EPRS1: variants seen among roughly 807,000 people sequenced by gnomAD.
EPRS1 encodes bifunctional glutamate/proline--tRNA ligase.
Under a neutral mutation model 188.3 loss-of-function variants are expected in EPRS1, and 107 were observed. The ratio of observed to expected loss-of-function variants is 0.57; its 90% CI spans 0.49 to 0.67. The LOEUF (loss-of-function observed/expected upper bound fraction) is 0.67. Among genes scored for constraint, EPRS1 ranks in the 30% least tolerant of loss-of-function variants. The pLI is 0.00. For synonymous variants in EPRS1, 596 were observed against 593.1 expected (o/e 1.00, Z -0.07); for missense variants, 1,577 against 1,802.2 (o/e 0.88, Z 2.26).
intron 1 of EPRS1, among the ~76,000 whole-genome samples, chr1:220,041,839 T>TG (rs1662300791): frequency 6.6e-6 from 1 of 150,922 alleles, no homozygotes; most frequent in Non-Finnish European, 1.5e-5. Context: ...AAATTCTGTC[T>TG]GAAAAAAAAG....
intron 13 of EPRS1, among the ~76,000 whole-genome samples, chr1:220,008,539 A>G (rs1208355841): frequency 6.6e-6 from 1 of 152,210 alleles, no homozygotes; most frequent in Non-Finnish European, 1.5e-5. Flanking sequence ...CTCAGAATAG[A>G]ATACTGACAG....
intron 13 of EPRS1, among the ~76,000 whole-genome samples, chr1:220,009,410 T>C (rs1293807299): frequency 6.6e-6 from 1 of 152,216 alleles, no homozygotes; most frequent in African/African-American, 2.4e-5. Context: ...AAGTTATTTA[T>C]AGACAACTTG....
At chr1:220,002,009 A>T (rs1435470621) in intron 16 of EPRS1, among the ~76,000 whole-genome samples, 3 of 151,066 alleles carry the variant, frequency 2.0e-5, no homozygotes, top group Non-Finnish European at 4.4e-5. Flanking sequence ...AGCCTGCGTG[A>T]CAGAGTGAGA....
intron 12 of EPRS1, among the ~76,000 whole-genome samples, chr1:220,011,636 TCAGTATATTCC>T (rs1206897296): frequency 9.8e-5 from 15 of 152,352 alleles, no homozygotes; most frequent in South Asian, 4.1e-4. Flanking sequence ...CAGTATATTC[TCAGTATATTCC>T]CAGTACCTAG....
intron 12 of EPRS1, among the ~76,000 whole-genome samples, chr1:220,013,207 A>T (rs1268055600): frequency 6.6e-6 from 1 of 152,238 alleles, no homozygotes; most frequent in Non-Finnish European, 1.5e-5. Flanking sequence ...AGGTTAATGC[A>T]AAGTAAGCTC....
Position 219,980,680 on chromosome 1 carries a change from C to T in EPRS1, c.3555+76G>A. ...TTTTGCTTTTAACAGGTGTTACATACATTTTAAATAACAAAATTGCAGAAC... is the reference window on the plus strand; with the variant it reads ...TTTTGCTTTTAACAGGTGTTACATATATTTTAAATAACAAAATTGCAGAAC... On this transcript the variant is annotated intron_variant, in intron 25 of 31. Coordinates refer to ENST00000366923, the MANE Select transcript of EPRS1 (RefSeq NM_004446.3). The T allele has an allele frequency of 5.0e-6, 5 of 999,178 alleles. 1 individual carries two copies. The highest frequency in any genetic ancestry group is 2.8e-5 in the South Asian group (2 of 70,944). The allele number at this position is 999,178 out of a possible 1,614,324, so 61.9% of individuals were successfully genotyped here. A position where few individuals can be genotyped will look rare whatever the true frequency, so the allele number is the denominator to read the frequency against.
At chr1:220,029,045 C>T (rs74499502) in intron 6 of EPRS1, among the ~76,000 whole-genome samples, 1,550 of 152,074 alleles carry the variant, frequency 0.01, 40 homozygotes, top group African/African-American at 0.036. Context: ...GTGACAGTGA[C>T]GCAAAATATG....
At chr1:219,972,732 G>A (rs764021989) in intron 29 of EPRS1, among the ~76,000 whole-genome samples, 4 of 152,144 alleles carry the variant, frequency 2.6e-5, no homozygotes, top group Non-Finnish European at 4.4e-5. Context: ...CTCTCCATAG[G>A]TGAGGGCGGC....
intron 4 of EPRS1, among the ~76,000 whole-genome samples, chr1:220,033,123 C>T (rs75703586): frequency 1.2e-3 from 184 of 152,210 alleles, no homozygotes; most frequent in African/African-American, 4.3e-3. Flanking sequence ...CTCCCAGTCA[C>T]ACACTCACTG....
At chr1:219,985,295 A>G (rs1660985968) in intron 20 of EPRS1, among the ~76,000 whole-genome samples, 1 of 152,204 alleles carries the variant, frequency 6.6e-6, no homozygotes, top group Non-Finnish European at 1.5e-5. Flanking sequence ...TCACTGTTTC[A>G]CTGAAAGTAA....
chr1:219,998,086 C>G (rs1661271255), intron 17 of EPRS1, among the ~76,000 whole-genome samples: 2 of 152,100 alleles, frequency 1.3e-5, no homozygotes, highest in African/African-American at 4.8e-5. Context: ...CTACTGAAAC[C>G]CTTCTAACAT....
intron 12 of EPRS1, among the ~76,000 whole-genome samples, chr1:220,013,034 A>G (rs1661637772): frequency 6.6e-6 from 1 of 152,234 alleles, no homozygotes; most frequent in Admixed American, 6.5e-5. Context: ...GAAAAATTAT[A>G]TTATACTACT....
intron 18 of EPRS1, among the ~76,000 whole-genome samples, chr1:219,989,594 C>T (rs6699641): frequency 0.2 from 31,031 of 152,100 alleles, 4,089 homozygotes; most frequent in African/African-American, 0.36. Flanking sequence ...TCGAATAATG[C>T]TCCAGATAGC....
rs1350426576 is a variant in EPRS1, at chr1:219,978,750, C to G, written c.3910-31G>C. 3 of 1,562,800 alleles carry G rather than the reference C, an allele frequency of 1.9e-6. No individual in the cohort carries two copies. The Admixed American group carries it at 5.4e-5, about 28-fold the overall frequency. On this transcript the variant is annotated intron_variant, in intron 27 of 31. Transcript: ENST00000366923. ...ATCAGCACAATGTCCCAAATGTATG[C>G]AAAGAAACAGATATAGAAGTAATGA...
intron 12 of EPRS1, among the ~76,000 whole-genome samples, chr1:220,011,825 T>A (rs1010758626): frequency 6.6e-6 from 1 of 152,224 alleles, no homozygotes; most frequent in African/African-American, 2.4e-5. Context: ...TTAGTCATGA[T>A]GACCAATCAC....
At chr1:219,990,142 C>T (rs1052090388) in intron 18 of EPRS1, among the ~76,000 whole-genome samples, 3 of 151,052 alleles carry the variant, frequency 2.0e-5, no homozygotes, top group Admixed American at 1.3e-4. Context: ...AAAAAAACCC[C>T]GTTCGCCAAG....
intron 16 of EPRS1, among the ~76,000 whole-genome samples, chr1:220,002,119 C>G (rs1008214974): frequency 6.6e-6 from 1 of 151,794 alleles, no homozygotes; most frequent in Non-Finnish European, 1.5e-5. Flanking sequence ...TACCTGAGGT[C>G]AAGAGTTCGA....
rs1173660041 is a variant in EPRS1, at chr1:220,030,395, T to C, written c.614A>G (p.Glu205Gly). 8.7e-6 allele frequency: 14 copies of C among 1,611,468 alleles called. No homozygotes were observed. The highest frequency in any genetic ancestry group is 8.5e-7 in the Non-Finnish European group (1 of 1,177,702). The change falls in exon 6 of 32, where the codon GAG becomes GGG. Residue 205 changes from glutamate (E) to glycine (G), a missense_variant. Around this residue, in one of 3 missense-constraint regions of EPRS1, gnomAD observed 1,278 missense variants for 1,457.4 expected, o/e 0.88. Coordinates refer to ENST00000366923, the MANE Select transcript of EPRS1 (RefSeq NM_004446.3). ...AGTTACATTTTCTTACCCACTGGCC[T>C]CTGGAGGAAATCTGACGGTAACCTT... ...MGKVTVRFPP[E>G]ASGYLHIGHA...
rs947269025 is a variant in EPRS1 at position 220,005,515 on chromosome 1, G to A, written c.1951-155C>T. 3.3e-5 allele frequency among the ~76,000 whole-genome samples: 5 copies of A among 152,324 alleles called. No homozygotes were observed. The East Asian group carries it at 9.6e-4, about 29-fold the overall frequency. ...TGAGGACACACAATGAAACGGTGAA[G>A]TGTTAAATGACAATTCAATTTATCA... On this transcript the variant is annotated intron_variant, in intron 15 of 31. Transcript: ENST00000366923.
Sources: allele counts gnomAD v4.1 joint callset (sites outside exome capture counted in the v4.1 genomes callset), GRCh38; gene constraint gnomAD v4.1.1; regional missense constraint gnomAD v4.1.1; transcripts MANE v1.5; gene names NCBI Gene and HGNC (gene_info 2026-07-23, HGNC 2026-07-21).